JPH3: variants seen among roughly 807,000 people sequenced by gnomAD.
JPH3 encodes junctophilin-3.
Under a neutral mutation model 59.6 loss-of-function variants are expected in JPH3, and 11 were observed. The ratio of observed to expected loss-of-function variants is 0.18; its 90% CI spans 0.12 to 0.31. The LOEUF (loss-of-function observed/expected upper bound fraction) is 0.31. Among genes scored for constraint, JPH3 ranks in the 10% least tolerant of loss-of-function variants. The pLI is 1.00. For synonymous variants in JPH3, 673 were observed against 483.6 expected (o/e 1.39, Z -5.14); for missense variants, 1,202 against 1,105.7 (o/e 1.09, Z -1.24).
rs377052304 is a variant in JPH3, at chr16:87,696,624, C to T, written c.2211C>T (p.Ile737=). 3.3e-5 allele frequency: 53 copies of T among 1,613,494 alleles called. 1 individual carries two copies. The highest frequency in any genetic ancestry group is 1.3e-4 in the African/African-American group (10 of 74,876). Residue 737 remains isoleucine, a synonymous_variant, in exon 5 of 5, where the codon ATC becomes ATT. Coordinates refer to ENST00000284262, the MANE Select transcript of JPH3 (RefSeq NM_020655.4). The part of the protein sequence containing the change: ...ILVVMVILLN[I]GVAILFINFF... ...TGGTCATGGTGATCTTGCTCAACAT[C>T]GGAGTCGCCATTCTGTTTATTAACT...
chr16:87,643,758 G>A (rs1173305183), intron 1 of JPH3, among the ~76,000 whole-genome samples: 2 of 152,182 alleles, frequency 1.3e-5, no homozygotes, highest in Non-Finnish European at 2.9e-5. Flanking sequence ...GCAGGATGGA[G>A]GTGTCTTCAA....
At chr16:87,695,493 T>C (rs769000359) in intron 4 of JPH3, 1 of 455,476 alleles carries the variant, frequency 2.2e-6, no homozygotes, top group South Asian at 1.5e-5. Context: ...CAGTGGGGTC[T>C]ACATCTCCTT....
chr16:87,686,495 C>G (rs950111898), intron 3 of JPH3, among the ~76,000 whole-genome samples: 7 of 123,498 alleles, frequency 5.7e-5, no homozygotes, highest in South Asian at 2.4e-4. Context: ...TCCTGGAGGG[C>G]TCAATCCTGG....
At chr16:87,658,358 C>A (rs993020055) in intron 2 of JPH3, among the ~76,000 whole-genome samples, 1 of 151,580 alleles carries the variant, frequency 6.6e-6, no homozygotes, top group African/African-American at 2.4e-5. Flanking sequence ...CTCTCCTTCT[C>A]CCCGCTTCTC....
At chr16:87,688,702 G>A (rs972303999) in intron 3 of JPH3, among the ~76,000 whole-genome samples, 7 of 152,180 alleles carry the variant, frequency 4.6e-5, no homozygotes, top group Non-Finnish European at 8.8e-5. Flanking sequence ...GCAGGACGGG[G>A]ATGCTGGGGG....
At chr16:87,627,938 T>C (rs1480614030) in intron 1 of JPH3, among the ~76,000 whole-genome samples, 1 of 152,218 alleles carries the variant, frequency 6.6e-6, no homozygotes, top group Non-Finnish European at 1.5e-5. Context: ...CAGGCCAGCC[T>C]GTGGGCCCCA....
At chr16:87,658,782 G>T (rs550706860) in intron 2 of JPH3, among the ~76,000 whole-genome samples, 1 of 152,244 alleles carries the variant, frequency 6.6e-6, no homozygotes, top group Admixed American at 6.5e-5. Context: ...CTCACCTGGG[G>T]CCTGCTGAGA....
At chr16:87,637,237 G>C (rs60690301) in intron 1 of JPH3, among the ~76,000 whole-genome samples, 9 of 152,210 alleles carry the variant, frequency 5.9e-5, no homozygotes, top group African/African-American at 2.2e-4. Context: ...ATGCAATTCA[G>C]TGGCACTAGC....
chr16:87,669,883 A>AGCCG (rs1389447432), intron 2 of JPH3, among the ~76,000 whole-genome samples: 4 of 150,506 alleles, frequency 2.7e-5, no homozygotes, highest in Admixed American at 6.6e-5. Context: ...AGGTTGCAGC[A>AGCCG]GCCGGCCGGC....
intron 1 of JPH3, among the ~76,000 whole-genome samples, chr16:87,644,030 C>G (rs557314049): frequency 1.1e-3 from 161 of 152,352 alleles, no homozygotes; most frequent in Non-Finnish European, 1.7e-3. Flanking sequence ...CCCAGCTGCG[C>G]AGGAGGCTGA....
chr16:87,666,378 C>T (rs138569091), intron 2 of JPH3, among the ~76,000 whole-genome samples: 2,110 of 147,558 alleles, frequency 0.014, 65 homozygotes, highest in African/African-American at 0.049. Context: ...CATGAGCCAC[C>T]GCGCCTGGCC....
At chr16:87,624,633 C>G (rs376682550) in intron 1 of JPH3, among the ~76,000 whole-genome samples, 2 of 152,240 alleles carry the variant, frequency 1.3e-5, no homozygotes, top group African/African-American at 4.8e-5. Context: ...CACTTTTGGG[C>G]TGTTTCCACC....
At position 87,661,239 on chromosome 16, in the gene JPH3, G is replaced by A. The variant is rs1158007128; in HGVS notation, c.1160+16204G>A. ...CCTCTTACAAGGACCCTTGTGGTTC[G>A]GGGTCATCTGATTATCCACCCAGAT... On this transcript the variant is annotated intron_variant, in intron 2 of 4. Coordinates refer to ENST00000284262, the MANE Select transcript of JPH3 (RefSeq NM_020655.4). 3.9e-5 allele frequency among the ~76,000 whole-genome samples: 6 copies of A among 152,212 alleles called. No homozygotes were observed. The South Asian group carries it at 6.2e-4, about 16-fold the overall frequency.
At chr16:87,683,767 C>T (rs147256830) in intron 2 of JPH3, among the ~76,000 whole-genome samples, 20 of 152,270 alleles carry the variant, frequency 1.3e-4, no homozygotes, top group African/African-American at 4.8e-4. Flanking sequence ...CCATCACACC[C>T]AGCTAATTTT....
intron 2 of JPH3, among the ~76,000 whole-genome samples, chr16:87,679,383 A>G (rs2033229831): frequency 6.6e-6 from 1 of 152,184 alleles, no homozygotes; most frequent in Non-Finnish European, 1.5e-5. Context: ...GTCTTTAACA[A>G]CCCAGCCTGG....
At chr16:87,650,815 C>G (rs750420458) in intron 2 of JPH3, among the ~76,000 whole-genome samples, 20 of 152,184 alleles carry the variant, frequency 1.3e-4, no homozygotes, top group Non-Finnish European at 1.9e-4. Context: ...GCTGGTTCAT[C>G]AGGTTTAAGG....
intron 4 of JPH3, chr16:87,693,729 T>C (rs1430191969): frequency 1.3e-5 from 2 of 152,270 alleles, no homozygotes; most frequent in African/African-American, 4.8e-5. Context: ...ATCCCCAGTG[T>C]GAGGTGAGGC....
intron 2 of JPH3, 71 bp downstream of exon 2, chr16:87,645,106 C>T (rs1303135633): frequency 2.0e-5 from 29 of 1,465,506 alleles, no homozygotes; most frequent in Non-Finnish European, 9.1e-7. Flanking sequence ...TCTGTTCAGT[C>T]CTGCTGTCGC....
chr16:87,662,693 CCT>C (rs531012541), intron 2 of JPH3, among the ~76,000 whole-genome samples: 181 of 152,340 alleles, frequency 1.2e-3, no homozygotes, highest in African/African-American at 4.1e-3. Context: ...TGCATACCTG[CCT>C]TGGGGGCTTG....
Sources: gnomAD v4.1 joint callset for allele counts (sites outside exome capture counted in the v4.1 genomes callset) on GRCh38, gnomAD v4.1.1 for gene constraint, MANE v1.5 for transcripts, NCBI Gene and HGNC (gene_info 2026-07-23, HGNC 2026-07-21) for gene names.